MID1: variants seen among roughly 807,000 people sequenced by gnomAD.
The protein encoded by MID1 is E3 ubiquitin-protein ligase Midline-1.
A neutral mutation model predicts 40.4 loss-of-function variants in MID1; 7 were observed. That is an observed-to-expected ratio of 0.17 (90% CI 0.10 to 0.33). MID1 has a LOEUF of 0.33. Among genes scored for constraint, MID1 ranks in the 10% least tolerant of loss-of-function variants. MID1 has a pLI of 1.00. For missense variants in MID1, 367 were observed against 558.5 expected (o/e 0.66, Z 3.46); for synonymous variants, 229 against 221.2 (o/e 1.04, Z -0.31).
At chrX:10,570,079 C>T (rs998251652) in intron 1 of MID1, among the ~76,000 whole-genome samples, 2 of 112,184 alleles carry the variant, frequency 1.8e-5, no homozygotes, top group African/African-American at 6.5e-5. Flanking sequence ...CTTCCCATTT[C>T]ACCCAGAGAG....
At chrX:10,796,807 A>G (rs1483877399) in intron 1 of MID1, among the ~76,000 whole-genome samples, 2 of 110,915 alleles carry the variant, frequency 1.8e-5, no homozygotes, top group South Asian at 3.9e-4. Flanking sequence ...ATTAATGACA[A>G]TTTGAACACA....
intron 2 of MID1, among the ~76,000 whole-genome samples, chrX:10,557,452 A>G (rs906351469): frequency 8.9e-6 from 1 of 111,985 alleles, no homozygotes; most frequent in Non-Finnish European, 1.9e-5. Flanking sequence ...TGGCACTGTT[A>G]ACCGCTGTAG....
At chrX:10,763,853 C>T (rs1157015670) in intron 1 of MID1, among the ~76,000 whole-genome samples, 40 of 111,906 alleles carry the variant, frequency 3.6e-4, no homozygotes, top group Non-Finnish European at 1.3e-4. Context: ...TGAATGATCG[C>T]CATTCTAACT....
At chrX:10,652,648 C>T (rs1394960638) in intron 1 of MID1, among the ~76,000 whole-genome samples, 2 of 111,674 alleles carry the variant, frequency 1.8e-5, no homozygotes, top group African/African-American at 6.5e-5. Flanking sequence ...TCCCAAAGCT[C>T]TAAGAGGCTG....
intron 1 of MID1, among the ~76,000 whole-genome samples, chrX:10,630,991 C>T (rs901752559): frequency 7.2e-5 from 8 of 111,462 alleles, no homozygotes; most frequent in African/African-American, 2.6e-4. Flanking sequence ...CTTCAGTGTC[C>T]TGTGGGAGGG....
At chrX:10,503,612 T>C (rs1490334098) in intron 3 of MID1, among the ~76,000 whole-genome samples, 2 of 112,832 alleles carry the variant, frequency 1.8e-5, no homozygotes, top group Admixed American at 1.9e-4. Context: ...AGCAGTGATA[T>C]AGTGATACAA....
intron 1 of MID1, among the ~76,000 whole-genome samples, chrX:10,796,488 T>A (rs1425365330): frequency 9.3e-6 from 1 of 107,824 alleles, no homozygotes; most frequent in East Asian, 2.9e-4. Context: ...AGGCCCCGCA[T>A]TTTTGTTTGG....
intron 1 of MID1, among the ~76,000 whole-genome samples, chrX:10,713,843 T>TG (rs768652844): frequency 8.9e-6 from 1 of 111,889 alleles, no homozygotes; most frequent in Non-Finnish European, 1.9e-5. Context: ...CAGGGAGAGA[T>TG]GGGGCACCCT....
intron 1 of MID1, among the ~76,000 whole-genome samples, chrX:10,705,269 GA>G (rs760614485): frequency 8.9e-6 from 1 of 112,139 alleles, no homozygotes; most frequent in Non-Finnish European, 1.9e-5. Flanking sequence ...TTGTTACTAT[GA>G]AGTCAATGTA....
intron 5 of MID1, among the ~76,000 whole-genome samples, chrX:10,476,063 C>T (rs1334123086): frequency 9.0e-6 from 1 of 111,419 alleles, no homozygotes; most frequent in Non-Finnish European, 1.9e-5. Flanking sequence ...CTGACACACG[C>T]TACGATGTGG....
At chrX:10,488,188 G>A (rs1432575570) in intron 4 of MID1, among the ~76,000 whole-genome samples, 2 of 110,166 alleles carry the variant, frequency 1.8e-5, no homozygotes, top group Non-Finnish European at 3.8e-5. Context: ...TCACCATGTT[G>A]CCTAGGCTGG....
chrX:10,815,928 C>T (rs1408799090), intron 1 of MID1, among the ~76,000 whole-genome samples: 7 of 111,696 alleles, frequency 6.3e-5, no homozygotes, highest in Non-Finnish European at 1.3e-4. Context: ...TACAACAATC[C>T]GTCCCTACCT....
intron 1 of MID1, among the ~76,000 whole-genome samples, chrX:10,639,917 G>A (rs1356345476): frequency 3.6e-5 from 4 of 111,480 alleles, no homozygotes; most frequent in South Asian, 7.6e-4. Context: ...GCCAAACTAA[G>A]CTTCATAAGT....
intron 1 of MID1, among the ~76,000 whole-genome samples, chrX:10,676,974 T>C (rs2043027407): frequency 9.0e-6 from 1 of 111,540 alleles, no homozygotes; most frequent in African/African-American, 3.3e-5. Context: ...CCCTTTATAC[T>C]CCCTCCCATA....
chrX:10,588,137 C>T (rs1164302403), intron 1 of MID1, among the ~76,000 whole-genome samples: 4 of 112,138 alleles, frequency 3.6e-5, no homozygotes, highest in Non-Finnish European at 5.6e-5. Context: ...CGTCTCAAAA[C>T]TCGCTTAAAC....
intron 1 of MID1, among the ~76,000 whole-genome samples, chrX:10,579,047 ATTAT>A (rs767140054): frequency 6.5e-4 from 73 of 112,409 alleles, no homozygotes; most frequent in African/African-American, 1.8e-3. Flanking sequence ...CCTTTTCAGA[ATTAT>A]TTGAGACTGG....
intron 3 of MID1, among the ~76,000 whole-genome samples, chrX:10,510,320 A>G (rs1010755473): frequency 9.0e-6 from 1 of 111,133 alleles, no homozygotes; most frequent in Non-Finnish European, 1.9e-5. Flanking sequence ...CCTAGAAAGT[A>G]CCCTCGAGCC....
chrX:10,517,678 A>G (rs1217072872), intron 3 of MID1, among the ~76,000 whole-genome samples: 1 of 112,029 alleles, frequency 8.9e-6, no homozygotes, highest in Non-Finnish European at 1.9e-5. Context: ...CCATTTCTCC[A>G]GAATGAACTA....
chrX:10,819,227 G>A (rs1189469107), intron 1 of MID1, among the ~76,000 whole-genome samples: 1 of 108,653 alleles, frequency 9.2e-6, no homozygotes, highest in African/African-American at 3.5e-5. Flanking sequence ...GACAGTGAGA[G>A]AGAGAGAGAG....
Sources: gnomAD v4.1 joint callset for allele counts (sites outside exome capture counted in the v4.1 genomes callset) on GRCh38, gnomAD v4.1.1 for gene constraint, MANE v1.5 for transcripts, NCBI Gene and HGNC (gene_info 2026-07-23, HGNC 2026-07-21) for gene names.